The following SUGCT variants were observed in gnomAD, a reference collection of about 807,000 sequenced individuals.
SUGCT encodes the protein succinyl-CoA:glutarate CoA-transferase.
In SUGCT, 41 loss-of-function variants were observed where a neutral mutation model predicts 55.0. That is an observed-to-expected ratio of 0.74 (90% CI 0.58 to 0.97). The LOEUF (loss-of-function observed/expected upper bound fraction) is 0.97. Ranked by LOEUF, SUGCT falls within the 50% of genes least tolerant of loss-of-function variation. SUGCT has a pLI of 0.00. For missense variants in SUGCT, 568 were observed against 547.8 expected (o/e 1.04, Z -0.37); for synonymous variants, 187 against 200.4 (o/e 0.93, Z 0.56).
chr7:40,665,649 T>A (rs898480282), intron 12 of SUGCT, among the ~76,000 whole-genome samples: 1 of 151,676 alleles, frequency 6.6e-6, no homozygotes, highest in South Asian at 2.1e-4. Context: ...CCAGAAGCCA[T>A]TGTAGGGAAA....
At chr7:40,363,485 T>A (rs1798257079) in intron 9 of SUGCT, among the ~76,000 whole-genome samples, 1 of 152,218 alleles carries the variant, frequency 6.6e-6, no homozygotes, top group Admixed American at 6.5e-5. Context: ...CTGCTTTGAA[T>A]GTGTCCCAAA....
At chr7:40,794,089 G>A (rs1343669104) in intron 13 of SUGCT, among the ~76,000 whole-genome samples, 1 of 152,096 alleles carries the variant, frequency 6.6e-6, no homozygotes, top group African/African-American at 2.4e-5. Context: ...TCTAATAGCT[G>A]AACTATTTAA....
chr7:40,523,732 G>C (rs187306181), intron 12 of SUGCT, among the ~76,000 whole-genome samples: 1 of 152,148 alleles, frequency 6.6e-6, no homozygotes, highest in East Asian at 1.9e-4. Flanking sequence ...CCTAGTAAAG[G>C]AGAAAATCAT....
At chr7:40,629,928 G>A (rs1799709231) in intron 12 of SUGCT, among the ~76,000 whole-genome samples, 1 of 152,154 alleles carries the variant, frequency 6.6e-6, no homozygotes, top group African/African-American at 2.4e-5. Context: ...GGTTTGAAAG[G>A]AGACATTCTA....
chr7:40,203,857 T>C (rs1480167697), intron 6 of SUGCT, among the ~76,000 whole-genome samples: 1 of 152,136 alleles, frequency 6.6e-6, no homozygotes, highest in East Asian at 1.9e-4. Context: ...TTTTCAACTA[T>C]TTAAACCCAA....
intron 13 of SUGCT, among the ~76,000 whole-genome samples, chr7:40,806,481 A>G (rs1791098135): frequency 6.6e-6 from 1 of 152,048 alleles, no homozygotes; most frequent in South Asian, 2.1e-4. Flanking sequence ...CTCTTTGCTT[A>G]TCTTTTTTAC....
intron 12 of SUGCT, among the ~76,000 whole-genome samples, chr7:40,597,408 G>A (rs745726756): frequency 9.9e-5 from 15 of 152,236 alleles, no homozygotes; most frequent in Non-Finnish European, 2.1e-4. Context: ...TCAGTTAACA[G>A]TAAAATATAA....
At chr7:40,146,782 G>A (rs1223920058) in intron 1 of SUGCT, among the ~76,000 whole-genome samples, 2 of 152,200 alleles carry the variant, frequency 1.3e-5, no homozygotes, top group African/African-American at 4.8e-5. Context: ...GGCCAGTTTT[G>A]GAGCCAGTTT....
the SUGCT span, among the ~76,000 whole-genome samples, chr7:40,889,059 G>T: frequency 6.6e-6 from 1 of 152,070 alleles, no homozygotes; most frequent in East Asian, 1.9e-4. Flanking sequence ...ATGAAAATGC[G>T]CCGGAGCTTG....
intron 9 of SUGCT, among the ~76,000 whole-genome samples, chr7:40,319,969 C>A (rs4398808): frequency 2.6e-5 from 4 of 151,396 alleles, no homozygotes; most frequent in Admixed American, 2.0e-4. Context: ...CTACAGGTAC[C>A]AGCCACAGTG....
In SUGCT at chr7:40,313,306, G is replaced by A. The variant is rs144155743; in HGVS notation, c.721-3454G>A. Among the ~76,000 whole-genome samples the A allele has an allele frequency of 4.5e-3, 690 of 152,266 alleles. 1 individual carries two copies. The highest frequency in any genetic ancestry group is 0.016 in the African/African-American group (663 of 41,544). On this transcript the variant is annotated intron_variant, in intron 8 of 13. Transcript: ENST00000335693. ...AATGATCTAATGCAGTATTTAGAAT[G>A]CATATACAGTATATAGTTATTAACC...
intron 12 of SUGCT, among the ~76,000 whole-genome samples, chr7:40,611,570 A>G (rs763489277): frequency 5.3e-5 from 8 of 152,232 alleles, no homozygotes; most frequent in Non-Finnish European, 7.3e-5. Context: ...TCTTGGGTTA[A>G]TAATTCTCTC....
the SUGCT span, among the ~76,000 whole-genome samples, chr7:40,920,156 C>T: frequency 6.6e-6 from 1 of 152,176 alleles, no homozygotes; most frequent in Admixed American, 6.5e-5. Context: ...TATTTCTCCA[C>T]TTATGACCTT....
intron 9 of SUGCT, among the ~76,000 whole-genome samples, chr7:40,431,277 T>C (rs1360666053): frequency 2.0e-5 from 3 of 152,172 alleles, no homozygotes; most frequent in African/African-American, 7.2e-5. Context: ...TTCTGGGTTG[T>C]CTATATTTTC....
At chr7:40,451,337 A>G (rs903446719) in intron 10 of SUGCT, among the ~76,000 whole-genome samples, 1 of 152,196 alleles carries the variant, frequency 6.6e-6, no homozygotes, top group African/African-American at 2.4e-5. Context: ...TTGATTCATT[A>G]CTGCCGATCA....
chr7:40,160,921 T>TAC (rs941443953), intron 1 of SUGCT, among the ~76,000 whole-genome samples: 5 of 151,932 alleles, frequency 3.3e-5, no homozygotes, highest in African/African-American at 9.7e-5. Context: ...TACTGATATA[T>TAC]ACACACACAC....
At chr7:40,140,993 A>AG (rs1562790090) in intron 1 of SUGCT, among the ~76,000 whole-genome samples, 1 of 151,840 alleles carries the variant, frequency 6.6e-6, no homozygotes, top group Non-Finnish European at 1.5e-5. Context: ...GTGTTTTTCC[A>AG]TTTTTTTGTT....
At chr7:40,192,417 T>C (rs1785968455) in intron 5 of SUGCT, among the ~76,000 whole-genome samples, 1 of 152,156 alleles carries the variant, frequency 6.6e-6, no homozygotes, top group African/African-American at 2.4e-5. Flanking sequence ...ATTTTCTATG[T>C]TAATTAGTTG....
chr7:40,731,014 G>T (rs1292481658), intron 12 of SUGCT, among the ~76,000 whole-genome samples: 1 of 152,168 alleles, frequency 6.6e-6, no homozygotes, highest in African/African-American at 2.4e-5. Context: ...TTGACTGAAG[G>T]ACAAAAGTGG....
Sources: allele counts gnomAD v4.1 joint callset (sites outside exome capture counted in the v4.1 genomes callset), GRCh38; gene constraint gnomAD v4.1.1; transcripts MANE v1.5; gene names NCBI Gene and HGNC (gene_info 2026-07-23, HGNC 2026-07-21).